Variants in GRM7 observed in about 807,000 individuals in gnomAD.
GRM7 encodes metabotropic glutamate receptor 7.
Under a neutral mutation model 84.5 loss-of-function variants are expected in GRM7, and 35 were observed. The ratio of observed to expected loss-of-function variants is 0.41; its 90% confidence interval spans 0.32 to 0.55. The LOEUF (loss-of-function observed/expected upper bound fraction) is 0.55, where lower values mean the gene tolerates loss of function less well. GRM7 is among the 20% of genes least tolerant of loss of function. The pLI is 0.19. For synonymous variants in GRM7, 487 were observed against 455.1 expected (o/e 1.07, Z -0.89); for missense variants, 1,003 against 1,194.6 (o/e 0.84, Z 2.36).
At chr3:6,977,457 G>C (rs796195483) in intron 1 of GRM7, among the ~76,000 whole-genome samples, 11 of 152,064 alleles carry the variant, frequency 7.2e-5, no homozygotes, top group African/African-American at 2.7e-4. Context: ...TAAGGTATTA[G>C]TATAACTGCC....
intron 8 of GRM7, among the ~76,000 whole-genome samples, chr3:7,583,729 G>T (rs1277693905): frequency 6.6e-6 from 1 of 152,184 alleles, no homozygotes; most frequent in Non-Finnish European, 1.5e-5. Flanking sequence ...ATTGCCAAAT[G>T]CCATACAGCA....
intron 6 of GRM7, among the ~76,000 whole-genome samples, chr3:7,454,600 T>G (rs1346887572): frequency 6.6e-6 from 1 of 152,124 alleles, no homozygotes; most frequent in Non-Finnish European, 1.5e-5. Context: ...CTAGTAAATC[T>G]GTATTTTTCT....
intron 1 of GRM7, among the ~76,000 whole-genome samples, chr3:6,901,513 G>A (rs988143612): frequency 4.1e-5 from 6 of 147,944 alleles, no homozygotes; most frequent in East Asian, 2.1e-4. Context: ...CAGGAGAATC[G>A]CTGGAACCCG....
chr3:6,888,031 G>C (rs62235365), intron 1 of GRM7, among the ~76,000 whole-genome samples: 1 of 152,102 alleles, frequency 6.6e-6, no homozygotes, highest in African/African-American at 2.4e-5. Flanking sequence ...AATGTCTTCT[G>C]TTGAGAAGTG....
chr3:6,926,918 A>C (rs1401639047), intron 1 of GRM7, among the ~76,000 whole-genome samples: 1 of 152,202 alleles, frequency 6.6e-6, no homozygotes, highest in African/African-American at 2.4e-5. Flanking sequence ...ATGAAATTCT[A>C]CACTGGATGT....
At chr3:7,596,025 G>A (rs1341333018) in intron 8 of GRM7, among the ~76,000 whole-genome samples, 1 of 152,176 alleles carries the variant, frequency 6.6e-6, no homozygotes, top group Non-Finnish European at 1.5e-5. Context: ...GATAAGCCAG[G>A]GCACTGTTCA....
At chr3:7,661,481 C>G (rs1051742111) in intron 8 of GRM7, among the ~76,000 whole-genome samples, 21 of 152,074 alleles carry the variant, frequency 1.4e-4, no homozygotes, top group Non-Finnish European at 4.4e-5. Flanking sequence ...AACTGAAACT[C>G]TCATACACTG....
At position 7,504,544 on chromosome 3, in the gene GRM7, T is replaced by A. The variant is rs538573195; in HGVS notation, c.1515+42822T>A. ...GACTGGGAAGTTCAATAGCATGGTG[T>A]CTGCATCTGGTAAGGGCCTTCTTGC... is the stretch of plus-strand genomic sequence containing the variant. On this transcript the variant is annotated intron_variant, in intron 7 of 9. Coordinates refer to ENST00000357716, the MANE Select transcript of GRM7 (RefSeq NM_000844.4). Among the ~76,000 whole-genome samples, 26 of 152,366 alleles carry A rather than the reference T, an allele frequency of 1.7e-4. No homozygotes were observed. In the East Asian group the frequency reaches 4.8e-3, roughly 28 times the overall value.
At chr3:7,282,112 A>G (rs549976505) in intron 2 of GRM7, among the ~76,000 whole-genome samples, 50 of 152,288 alleles carry the variant, frequency 3.3e-4, no homozygotes, top group African/African-American at 1.0e-3. Context: ...AGGTACCTAC[A>G]TAATTCCTAT....
At chr3:7,281,685 A>G (rs966029391) in intron 2 of GRM7, among the ~76,000 whole-genome samples, 13 of 152,094 alleles carry the variant, frequency 8.5e-5, no homozygotes, top group African/African-American at 3.1e-4. Context: ...AAATTTTGTC[A>G]TGCTCAATAT....
chr3:7,553,425 A>C (rs566271205), intron 7 of GRM7, among the ~76,000 whole-genome samples: 15 of 152,330 alleles, frequency 9.8e-5, no homozygotes, highest in African/African-American at 3.4e-4. Flanking sequence ...CCACAATTTC[A>C]AGTGTCTGTA....
intron 4 of GRM7, among the ~76,000 whole-genome samples, chr3:7,311,902 A>T (rs1700411316): frequency 6.6e-6 from 1 of 152,164 alleles, no homozygotes; most frequent in Non-Finnish European, 1.5e-5. Context: ...GCCTCAACAC[A>T]TTCTTCTTTC....
chr3:7,496,367 TATC>T (rs1360000546), intron 7 of GRM7, among the ~76,000 whole-genome samples: 1 of 152,142 alleles, frequency 6.6e-6, no homozygotes, highest in Non-Finnish European at 1.5e-5. Flanking sequence ...ATTGTAATCT[TATC>T]ATCAGAAAAC....
intron 1 of GRM7, among the ~76,000 whole-genome samples, chr3:6,999,038 GT>G (rs957367277): frequency 3.9e-5 from 6 of 152,150 alleles, no homozygotes; most frequent in Admixed American, 3.3e-4. Flanking sequence ...CAGAAAATGG[GT>G]TTTCTTTTCT....
chr3:7,422,705 G>T (rs1020068316), intron 5 of GRM7, among the ~76,000 whole-genome samples: 7 of 151,982 alleles, frequency 4.6e-5, no homozygotes, highest in African/African-American at 1.7e-4. Flanking sequence ...ATATAACACT[G>T]GCTTTTAGAA....
intron 1 of GRM7, among the ~76,000 whole-genome samples, chr3:7,116,230 T>A (rs1268193568): frequency 6.6e-6 from 1 of 152,148 alleles, no homozygotes; most frequent in Non-Finnish European, 1.5e-5. Context: ...ACAGAAACAA[T>A]TGTCTAATGC....
At chr3:7,018,771 T>G (rs1401863792) in intron 1 of GRM7, among the ~76,000 whole-genome samples, 1 of 152,226 alleles carries the variant, frequency 6.6e-6, no homozygotes, top group Admixed American at 6.5e-5. Flanking sequence ...GCAATGCCAA[T>G]TCTCTAGGAA....
chr3:7,045,359 C>T (rs1412176775), intron 1 of GRM7, among the ~76,000 whole-genome samples: 1 of 152,094 alleles, frequency 6.6e-6, no homozygotes, highest in Non-Finnish European at 1.5e-5. Flanking sequence ...AGTAAAATTG[C>T]AAGGTCTCAC....
chr3:7,424,213 G>A (rs1696510362), intron 5 of GRM7, among the ~76,000 whole-genome samples: 1 of 151,986 alleles, frequency 6.6e-6, no homozygotes, highest in South Asian at 2.1e-4. Context: ...GGGATAGAGG[G>A]CGCTCAACCG....
Sources: allele counts gnomAD v4.1 joint callset (sites outside exome capture counted in the v4.1 genomes callset), GRCh38; gene constraint gnomAD v4.1.1; transcripts MANE v1.5; gene names NCBI Gene and HGNC (gene_info 2026-07-23, HGNC 2026-07-21).